OR1J2: variants seen among roughly 807,000 people sequenced by gnomAD.
OR1J2 encodes olfactory receptor 1J2.
For missense variants in OR1J2, 304 were observed against 246.1 expected, an observed-to-expected ratio of 1.24 and a Z score of -1.57; for synonymous variants, 142 against 99.7, an observed-to-expected ratio of 1.42 and a Z score of -2.52.
the OR1J2 span, among the ~76,000 whole-genome samples, chr9:122,484,281 C>T: frequency 3.3e-5 from 5 of 152,058 alleles, no homozygotes; most frequent in Middle Eastern, 3.2e-3. Flanking sequence ...CCTGCCTCAG[C>T]CTCCCAAGTA....
chr9:122,495,705 T>C, the OR1J2 span, among the ~76,000 whole-genome samples: 2 of 152,104 alleles, frequency 1.3e-5, no homozygotes, highest in Admixed American at 6.5e-5. Context: ...GATTTCATCT[T>C]GGTTTGGATC....
chr9:122,500,576 A>T, the OR1J2 span, among the ~76,000 whole-genome samples: 4 of 152,342 alleles, frequency 2.6e-5, no homozygotes, highest in Non-Finnish European at 5.9e-5. Flanking sequence ...CGATTTCATG[A>T]TATGGCCATG....
the OR1J2 span, among the ~76,000 whole-genome samples, chr9:122,479,063 G>A: frequency 6.6e-6 from 1 of 152,134 alleles, no homozygotes; most frequent in Non-Finnish European, 1.5e-5. Context: ...TAAGATAAGT[G>A]TAAGATATTT....
downstream of OR1J2, among the ~76,000 whole-genome samples, chr9:122,514,585 C>T (rs918725528): frequency 2.0e-4 from 31 of 152,032 alleles, 1 homozygote; most frequent in Non-Finnish European, 1.3e-4. Context: ...CCCTCTTAGA[C>T]GGATAAAAAA....
chr9:122,534,174 G>A, the OR1J2 span, among the ~76,000 whole-genome samples: 5 of 152,324 alleles, frequency 3.3e-5, no homozygotes, highest in Admixed American at 6.5e-5. Context: ...TTGTGTGCTG[G>A]AGATGTGGCT....
At chr9:122,529,292 G>A in the OR1J2 span, among the ~76,000 whole-genome samples, 1 of 152,198 alleles carries the variant, frequency 6.6e-6, no homozygotes, top group Admixed American at 6.5e-5. Flanking sequence ...ATCAAAAGAA[G>A]GGCTACACAG....
the OR1J2 span, among the ~76,000 whole-genome samples, chr9:122,462,222 A>G: frequency 6.6e-6 from 1 of 152,140 alleles, no homozygotes; most frequent in Non-Finnish European, 1.5e-5. Context: ...TTTATTTGAC[A>G]TAAAAATAAC....
chr9:122,513,762 A>G (rs188257219), downstream of OR1J2, among the ~76,000 whole-genome samples: 8 of 151,530 alleles, frequency 5.3e-5, no homozygotes, highest in Admixed American at 5.3e-4. Flanking sequence ...CTCATCATTC[A>G]ACTCCCACTT....
the OR1J2 span, among the ~76,000 whole-genome samples, chr9:122,570,162 C>A: frequency 6.7e-6 from 1 of 149,342 alleles, no homozygotes; most frequent in African/African-American, 2.5e-5. Context: ...GTCTTTATAG[C>A]AGCATGATTT....
chr9:122,563,715 A>G, the OR1J2 span, among the ~76,000 whole-genome samples: 46,946 of 152,130 alleles, frequency 0.31, 8,111 homozygotes, highest in East Asian at 0.81. Flanking sequence ...CATTTCCCCT[A>G]TGGCTTTGTC....
At chr9:122,544,415 C>CTTTTTTTTTTT in the OR1J2 span, among the ~76,000 whole-genome samples, 10 of 85,348 alleles carry the variant, frequency 1.2e-4, no homozygotes, top group South Asian at 4.7e-4. Context: ...CCTCTTTTTT[C>CTTTTTTTTTTT]TTTTTTTTTT....
chr9:122,451,266 A>G, the OR1J2 span, among the ~76,000 whole-genome samples: 1 of 151,336 alleles, frequency 6.6e-6, no homozygotes, highest in Non-Finnish European at 1.5e-5. Flanking sequence ...GCTCACTGCA[A>G]CCTACACCAC....
chr9:122,538,620 G>C, the OR1J2 span, among the ~76,000 whole-genome samples: 2 of 152,080 alleles, frequency 1.3e-5, no homozygotes, highest in East Asian at 1.9e-4. Context: ...GATACCTTTT[G>C]TTAATTTTTC....
the OR1J2 span, among the ~76,000 whole-genome samples, chr9:122,481,105 C>G: frequency 6.6e-6 from 1 of 152,132 alleles, no homozygotes; most frequent in Non-Finnish European, 1.5e-5. Flanking sequence ...CATCCACCCT[C>G]TAAAAGGCCC....
chr9:122,472,975 A>G, the OR1J2 span, among the ~76,000 whole-genome samples: 14 of 152,252 alleles, frequency 9.2e-5, no homozygotes, highest in African/African-American at 3.4e-4. Context: ...AAAAATTTCT[A>G]AGATTTGAAG....
the OR1J2 span, chr9:122,478,021 A>G: frequency 4.8e-6 from 4 of 834,980 alleles, no homozygotes; most frequent in Non-Finnish European, 5.6e-6. Context: ...TATAATAGAG[A>G]TGTTCTTTTG....
chr9:122,569,982 A>T, the OR1J2 span, among the ~76,000 whole-genome samples: 39 of 149,880 alleles, frequency 2.6e-4, no homozygotes, highest in African/African-American at 9.1e-4. Context: ...TTCCAATTTC[A>T]TCCATGTCCC....
At chr9:122,536,187 A>G in the OR1J2 span, among the ~76,000 whole-genome samples, 1 of 152,192 alleles carries the variant, frequency 6.6e-6, no homozygotes, top group Non-Finnish European at 1.5e-5. Flanking sequence ...AATGGCAAAA[A>G]TGAACTTTCT....
chr9:122,525,583 G>A, the OR1J2 span, among the ~76,000 whole-genome samples: 17 of 151,990 alleles, frequency 1.1e-4, no homozygotes, highest in Admixed American at 9.2e-4. Flanking sequence ...AGATGTGGAC[G>A]CAAACCTGCA....
Sources: allele counts gnomAD v4.1 joint callset (sites outside exome capture counted in the v4.1 genomes callset), GRCh38; gene constraint gnomAD v4.1.1; transcripts MANE v1.5; gene names NCBI Gene and HGNC (gene_info 2026-07-23, HGNC 2026-07-21).